Variants in NAT2 observed in about 807,000 individuals in gnomAD.
NAT2 encodes arylamine N-acetyltransferase 2.
For synonymous variants in NAT2, 137 were observed against 125.9 expected, an observed-to-expected ratio of 1.09 and a Z score of -0.59; for missense variants, 428 against 339.1, an observed-to-expected ratio of 1.26 and a Z score of -2.06.
chr8:18,388,323 A>ACTGT (rs1314181422), upstream of NAT2, among the ~76,000 whole-genome samples: 1 of 152,142 alleles, frequency 6.6e-6, no homozygotes, highest in Non-Finnish European at 1.5e-5. Context: ...TCTGTCTTTA[A>ACTGT]CTGTCTGTCT....
Position 18,400,201 on chromosome 8 carries a change from G to A in NAT2, c.198G>A (p.Gly66=), listed in dbSNP as rs753361951. ...FDHIVRRNRG[G]WCLQVNQLLY... ...ACATTGTAAGAAGAAACCGGGGTGG[G>A]TGGTGTCTCCAGGTCAATCAACTTC... The change falls in exon 2 of 2, where the codon GGG becomes GGA. Residue 66 remains glycine (G), a synonymous_variant. Coordinates refer to ENST00000286479, the MANE Select transcript of NAT2 (RefSeq NM_000015.3). 5.6e-6 allele frequency: 9 copies of A among 1,613,164 alleles called. No homozygotes were observed. The highest frequency in any genetic ancestry group is 3.3e-5 in the Admixed American group (2 of 59,972).
upstream of NAT2, chr8:18,387,640 C>G (rs1403669717): frequency 6.4e-6 from 1 of 156,542 alleles, no homozygotes; most frequent in African/African-American, 2.4e-5. Flanking sequence ...GGCCTTTGCT[C>G]CCTTCCCTTT....
chr8:18,390,866 G>C (rs919312904), upstream of NAT2, among the ~76,000 whole-genome samples: 11 of 152,154 alleles, frequency 7.2e-5, no homozygotes, highest in Non-Finnish European at 1.3e-4. Context: ...AGAAGAAAAA[G>C]AGAGGCCTTA....
At chr8:18,389,597 G>C (rs1800561283), upstream of NAT2, among the ~76,000 whole-genome samples, 1 of 152,206 alleles carries the variant, frequency 6.6e-6, no homozygotes, top group South Asian at 2.1e-4. Context: ...TGTCAATCAG[G>C]ATATGAGGAA....
Position 18,400,103 on chromosome 8 carries a change from G to T in NAT2, c.100G>T (p.Ala34Ser), listed in dbSNP as rs750399005. The T allele has an allele frequency of 2.5e-6, 4 of 1,614,044 alleles. No homozygotes were observed. The highest frequency in any genetic ancestry group is 3.4e-6 in the Non-Finnish European group (4 of 1,179,964). ...LTDILEHQIR[A>S]VPFENLNMHC... is the part of the protein sequence containing the mutation. Reference sequence around the variant, plus strand: ...TGACATTCTTGAGCACCAGATCCGGGCTGTTCCCTTTGAGAACCTTAACAT... The same window carrying T: ...TGACATTCTTGAGCACCAGATCCGGTCTGTTCCCTTTGAGAACCTTAACAT... The change falls in exon 2 of 2, where the codon GCT becomes TCT. Residue 34 changes from alanine (A) to serine (S), a missense_variant. Coordinates refer to ENST00000286479, the MANE Select transcript of NAT2 (RefSeq NM_000015.3).
Position 18,400,207 on chromosome 8 carries a change from T to C in NAT2, c.204T>C (p.Cys68=), listed in dbSNP as rs1002833542. ...HIVRRNRGGW[C]LQVNQLLYWA... is the part of the protein sequence containing the mutation. Reference sequence around the variant, plus strand: ...TAAGAAGAAACCGGGGTGGGTGGTGTCTCCAGGTCAATCAACTTCTGTACT... The same window carrying C: ...TAAGAAGAAACCGGGGTGGGTGGTGCCTCCAGGTCAATCAACTTCTGTACT... Residue 68 remains cysteine (C), a synonymous_variant, in exon 2 of 2, where the codon TGT becomes TGC. Coordinates refer to ENST00000286479, the MANE Select transcript of NAT2 (RefSeq NM_000015.3). 3 of 1,611,960 alleles carry C rather than the reference T, an allele frequency of 1.9e-6. No homozygotes were observed. Among genetic ancestry groups the C allele is most frequent in the African/African-American group, 2.7e-5 (2 of 74,838 alleles).
At chr8:18,399,934 A>T (rs1453143933) in intron 1 of NAT2, 64 bp from the exon 2 acceptor site, 3 of 1,470,268 alleles carry the variant, frequency 2.0e-6, no homozygotes, top group African/African-American at 1.4e-5. Flanking sequence ...ACCTATAATT[A>T]GTCACACGAG....
Position 18,400,151 on chromosome 8 carries a change from T to A in NAT2, c.148T>A (p.Leu50Met), listed in dbSNP as rs111750824. Reference protein sequence around the residue: ...LNMHCGQAMELGLEAIFDHIV... With the variant: ...LNMHCGQAMEMGLEAIFDHIV... ...CATGCATTGTGGGCAAGCCATGGAG[T>A]TGGGCTTAGAGGCTATTTTTGATCA... The change falls in exon 2 of 2, where the codon TTG (leucine) becomes ATG (methionine). Residue 50 changes from leucine to methionine, a missense_variant. By Grantham distance (15) the Leu-to-Met change is conservative (BLOSUM62 2). Coordinates refer to ENST00000286479, the MANE Select transcript of NAT2 (RefSeq NM_000015.3). 1.9e-6 allele frequency: 3 copies of A among 1,613,870 alleles called. No individual in the cohort carries two copies. The highest frequency in any genetic ancestry group is 1.7e-6 in the Non-Finnish European group (2 of 1,179,938).
upstream of NAT2, among the ~76,000 whole-genome samples, chr8:18,388,887 C>T (rs1800551467): frequency 6.6e-6 from 1 of 152,216 alleles, no homozygotes; most frequent in African/African-American, 2.4e-5. Flanking sequence ...TCTTCTTCCA[C>T]ATAAAAAACT....
Position 18,400,675 on chromosome 8 carries a change from C to T in NAT2, c.672C>T (p.Ser224=), listed in dbSNP as rs140275701. 5 of 1,613,844 alleles carry T rather than the reference C, an allele frequency of 3.1e-6. No homozygotes were observed. In the South Asian group the frequency reaches 3.3e-5, roughly 11 times the overall value. The change falls in exon 2 of 2, where the codon TCC becomes TCT. Residue 224 remains serine, a synonymous_variant. Transcript: ENST00000286479. ...CATTTATAACCACATCATTTTGTTC[C>T]TTGCAGACCCCAGAAGGGGTTTACT... The part of the protein sequence containing the change: ...TSSFITTSFC[S]LQTPEGVYCL...
chr8:18,386,841 G>C (rs913275923), upstream of NAT2, among the ~76,000 whole-genome samples: 1 of 152,202 alleles, frequency 6.6e-6, no homozygotes, highest in African/African-American at 2.4e-5. Flanking sequence ...TGAAGGATCT[G>C]CGCCCTGTGT....
chr8:18,394,429 A>C (rs1800648376), intron 1 of NAT2, among the ~76,000 whole-genome samples: 1 of 152,296 alleles, frequency 6.6e-6, no homozygotes, highest in African/African-American at 2.4e-5. Context: ...GGGCAGCAAG[A>C]ATAATTATTT....
chr8:18,390,481 T>A (rs993706410), upstream of NAT2, among the ~76,000 whole-genome samples: 1 of 152,186 alleles, frequency 6.6e-6, no homozygotes, highest in African/African-American at 2.4e-5. Flanking sequence ...GACATGCTAA[T>A]TACCATGATT....
intron 1 of NAT2, among the ~76,000 whole-genome samples, chr8:18,393,402 G>A (rs773929094): frequency 9.2e-5 from 14 of 152,040 alleles, no homozygotes; most frequent in Non-Finnish European, 4.4e-5. Context: ...ACTGCAAATG[G>A]TTTAGGCCTT....
At chr8:18,387,738 T>C (rs924628103), upstream of NAT2, 2 of 153,908 alleles carry the variant, frequency 1.3e-5, no homozygotes, top group African/African-American at 2.4e-5. Context: ...CTCCTTAGCA[T>C]TGTCCTGGCC....
Position 18,400,280 on chromosome 8 carries a change from T to A in NAT2, c.277T>A (p.Phe93Ile), listed in dbSNP as rs1800766643. 1 of 1,613,500 alleles carries A rather than the reference T, an allele frequency of 6.2e-7. No homozygotes were observed. ...TCAGACCACAATGTTAGGAGGGTATTTTTACATCCCTCCAGTTAACAAATA... is the reference window on the plus strand; with the variant it reads ...TCAGACCACAATGTTAGGAGGGTATATTTACATCCCTCCAGTTAACAAATA... ...GFQTTMLGGY[F>I]YIPPVNKYST... Residue 93 changes from phenylalanine to isoleucine, a missense_variant, in exon 2 of 2, where the codon TTT (phenylalanine) becomes ATT (isoleucine). Physicochemically the swap from Phe to Ile is conservative, Grantham distance 21 (BLOSUM62 0). Coordinates refer to ENST00000286479, the MANE Select transcript of NAT2 (RefSeq NM_000015.3).
intron 1 of NAT2, among the ~76,000 whole-genome samples, chr8:18,392,054 G>C (rs575813695): frequency 1.3e-5 from 2 of 152,326 alleles, no homozygotes; most frequent in Non-Finnish European, 2.9e-5. Flanking sequence ...TTTTCAGGCA[G>C]AGCCAATGTA....
chr8:18,397,326 C>T (rs1019732473), intron 1 of NAT2, among the ~76,000 whole-genome samples: 1 of 151,670 alleles, frequency 6.6e-6, no homozygotes, highest in Non-Finnish European at 1.5e-5. Flanking sequence ...AAAAAGGAAC[C>T]AGTAAATAGG....
chr8:18,390,961 T>A (rs2037422479), upstream of NAT2, among the ~76,000 whole-genome samples: 1 of 152,178 alleles, frequency 6.6e-6, no homozygotes. Context: ...AGTTATTGGT[T>A]CTGCTGTTCC....
Sources: allele counts gnomAD v4.1 joint callset (sites outside exome capture counted in the v4.1 genomes callset), GRCh38; gene constraint gnomAD v4.1.1; transcripts MANE v1.5; gene names NCBI Gene and HGNC (gene_info 2026-07-23, HGNC 2026-07-21).